Variants in COL28A1 observed in about 807,000 individuals in gnomAD.
The protein encoded by COL28A1 is collagen alpha-1(XXVIII) chain.
COL28A1 carries 161 observed loss-of-function variants against 150.2 expected under a neutral mutation model. The observed-to-expected ratio is 1.07, with a 90% CI of 0.94 to 1.22. The LOEUF is 1.22. COL28A1 is among the 50% of genes most tolerant of loss of function. The probability of loss-of-function intolerance (pLI) is 0.00; values close to 1 mark genes in which losing one functional copy is unlikely to be tolerated. For synonymous variants in COL28A1, 552 were observed against 469.7 expected (o/e 1.18, Z -2.26); for missense variants, 1,617 against 1,388.3 (o/e 1.16, Z -2.62).
chr7:7,462,207 T>A (rs141589957), intron 15 of COL28A1, among the ~76,000 whole-genome samples: 6 of 152,248 alleles, frequency 3.9e-5, no homozygotes, highest in African/African-American at 1.4e-4. Context: ...AAACACCCCA[T>A]GGGACAAAAG....
chr7:7,513,041 G>C (rs1016301247), intron 8 of COL28A1, among the ~76,000 whole-genome samples: 2 of 152,176 alleles, frequency 1.3e-5, no homozygotes, highest in Non-Finnish European at 2.9e-5. Flanking sequence ...TTTATATGCT[G>C]GCGGAAGCTT....
intron 31 of COL28A1, among the ~76,000 whole-genome samples, chr7:7,374,750 A>G (rs1255462492): frequency 6.6e-6 from 1 of 152,106 alleles, no homozygotes. Flanking sequence ...CTCTCACTAG[A>G]GAGACTCCCA....
In COL28A1 at chr7:7,517,820, T is replaced by G. The variant is rs1256978890; in HGVS notation, c.831A>C (p.Gly277=). The G allele has an allele frequency of 6.2e-7, 1 of 1,613,822 alleles. No homozygotes were observed. Among genetic ancestry groups the G allele is most frequent in the Non-Finnish European group, 8.5e-7 (1 of 1,179,746 alleles). ...PKGNPGNAQK[G]EAGERGPGGI... ...CCCCTGGACCTCTTTCTCCAGCTTC[T>G]CCTTTTTGAGCGTTGCCCTGTGACA... The change falls in exon 7 of 35, where the codon GGA becomes GGC. Residue 277 remains glycine (G), a synonymous_variant. Coordinates refer to ENST00000399429, the MANE Select transcript of COL28A1 (RefSeq NM_001037763.3).
intron 21 of COL28A1, among the ~76,000 whole-genome samples, chr7:7,438,801 C>T (rs190014497): frequency 3.3e-5 from 5 of 152,306 alleles, no homozygotes; most frequent in East Asian, 1.9e-4. Flanking sequence ...TACTTCTCTA[C>T]GGTAGGTGGG....
At chr7:7,492,722 G>C (rs1428772651) in intron 11 of COL28A1, among the ~76,000 whole-genome samples, 1 of 151,306 alleles carries the variant, frequency 6.6e-6, no homozygotes. Flanking sequence ...TTAAAACAAA[G>C]GAATCCTGCC....
At position 7,485,665 on chromosome 7, in the gene COL28A1, T is replaced by G. The variant is rs138629068; in HGVS notation, c.1164+3724A>C. 1.7e-3 allele frequency among the ~76,000 whole-genome samples: 263 copies of G among 152,336 alleles called. 2 individuals carry two copies. The highest frequency in any genetic ancestry group is 5.9e-3 in the African/African-American group (244 of 41,580). ...TAAGGTGTGAGACTTAAATTGAGGTTAATTTTTTGTGTTTGCACAGATAAC... is the reference window on the plus strand; with the variant it reads ...TAAGGTGTGAGACTTAAATTGAGGTGAATTTTTTGTGTTTGCACAGATAAC... On this transcript the variant is annotated intron_variant, in intron 13 of 34. Coordinates refer to ENST00000399429, the MANE Select transcript of COL28A1 (RefSeq NM_001037763.3).
intron 18 of COL28A1, among the ~76,000 whole-genome samples, chr7:7,450,369 A>G (rs1786597869): frequency 6.6e-6 from 1 of 152,222 alleles, no homozygotes; most frequent in African/African-American, 2.4e-5. Flanking sequence ...ATGTTTTAAA[A>G]TAATATTCAA....
At chr7:7,520,031 T>A (rs1459120074) in intron 6 of COL28A1, 31 bp downstream of exon 6, 10 of 1,048,116 alleles carry the variant, frequency 9.5e-6, no homozygotes, top group Non-Finnish European at 1.5e-5. Flanking sequence ...GGAGATACGC[T>A]GGTTTAAAGA....
chr7:7,520,118 G>C lies in COL28A1; in HGVS notation c.760-3C>G. 8.0e-7 allele frequency: 1 copy of C among 1,245,892 alleles called. No individual in the cohort carries two copies. Among genetic ancestry groups the C allele is most frequent in the Non-Finnish European group, 1.2e-6 (1 of 847,192 alleles). The allele number at this position is 1,245,892 out of a possible 1,614,324, so 77.2% of individuals were successfully genotyped here. A position where few individuals can be genotyped will look rare whatever the true frequency, so the allele number is the denominator to read the frequency against. ...ATACCTGGATTTCCATGTGTACCCT[G>C]AAGGCAAAGGGAAAAAATATTATTT... On this transcript the variant is annotated splice_region_variant and splice_polypyrimidine_tract_variant and intron_variant, in intron 5 of 34. Coordinates refer to ENST00000399429, the MANE Select transcript of COL28A1 (RefSeq NM_001037763.3).
intron 13 of COL28A1, among the ~76,000 whole-genome samples, chr7:7,477,424 A>G (rs1421494381): frequency 6.6e-6 from 1 of 152,188 alleles, no homozygotes; most frequent in Non-Finnish European, 1.5e-5. Flanking sequence ...ACTAATCTAG[A>G]GATGATTCAA....
At chr7:7,417,748 G>T in intron 27 of COL28A1, 111 bp downstream of exon 27, 1 of 865,054 alleles carries the variant, frequency 1.2e-6, no homozygotes, top group Non-Finnish European at 1.9e-6. Context: ...TTAACTGCGA[G>T]GCTCACAATA....
chr7:7,430,316 G>A (rs1041715103), intron 25 of COL28A1, among the ~76,000 whole-genome samples: 3 of 151,888 alleles, frequency 2.0e-5, no homozygotes, highest in Non-Finnish European at 2.9e-5. Context: ...TAGTAGAGAC[G>A]GGGTTTCACC....
the COL28A1 span, among the ~76,000 whole-genome samples, chr7:7,339,841 G>A: frequency 7.2e-5 from 11 of 152,152 alleles, no homozygotes; most frequent in African/African-American, 2.7e-4. Flanking sequence ...GATAAAATTA[G>A]GTAGACTTTT....
At chr7:7,524,783 G>C (rs1212766213) in intron 3 of COL28A1, among the ~76,000 whole-genome samples, 2 of 152,122 alleles carry the variant, frequency 1.3e-5, no homozygotes, top group East Asian at 3.9e-4. Context: ...AAAGTCCAGT[G>C]ACATTTTTTG....
chr7:7,505,320 C>A (rs1399708212), intron 11 of COL28A1, among the ~76,000 whole-genome samples: 3 of 152,092 alleles, frequency 2.0e-5, no homozygotes, highest in Non-Finnish European at 2.9e-5. Context: ...TAAGTCGACA[C>A]CATTTACTGG....
intron 13 of COL28A1, among the ~76,000 whole-genome samples, chr7:7,481,384 C>G (rs1789371999): frequency 1.3e-5 from 2 of 152,184 alleles, no homozygotes; most frequent in African/African-American, 4.8e-5. Context: ...CAGTTAAACA[C>G]TCAGCATGGA....
At chr7:7,405,158 A>AT (rs1392389810) in intron 27 of COL28A1, among the ~76,000 whole-genome samples, 1 of 152,244 alleles carries the variant, frequency 6.6e-6, no homozygotes, top group Non-Finnish European at 1.5e-5. Context: ...AGAAGATCTG[A>AT]TTTTAAAACT....
chr7:7,541,041 A>C, the COL28A1 span, among the ~76,000 whole-genome samples: 296 of 152,340 alleles, frequency 1.9e-3, no homozygotes, highest in African/African-American at 6.7e-3. Flanking sequence ...TATCCAAAAA[A>C]AGTTTTAAAA....
At chr7:7,510,212 T>C (rs1188965242) in intron 9 of COL28A1, among the ~76,000 whole-genome samples, 1 of 152,214 alleles carries the variant, frequency 6.6e-6, no homozygotes, top group Non-Finnish European at 1.5e-5. Context: ...ACTCTCTGTA[T>C]ATATTTGGCC....
Sources: allele counts gnomAD v4.1 joint callset (sites outside exome capture counted in the v4.1 genomes callset), GRCh38; gene constraint gnomAD v4.1.1; transcripts MANE v1.5; gene names NCBI Gene and HGNC (gene_info 2026-07-23, HGNC 2026-07-21).